Variants in PIP5K1A observed in about 807,000 individuals in gnomAD.
PIP5K1A encodes phosphatidylinositol-4-phosphate 5-kinase type 1 alpha, also known as phosphatidylinositol 4-phosphate 5-kinase type-1 alpha.
In PIP5K1A, 46 loss-of-function variants were observed where a neutral mutation model predicts 72.9. The ratio of observed to expected loss-of-function variants is 0.63; its 90% CI spans 0.50 to 0.81. The LOEUF (loss-of-function observed/expected upper bound fraction) is 0.81, where lower values mean the gene tolerates loss of function less well. Among genes scored for constraint, PIP5K1A ranks in the 30% least tolerant of loss-of-function variants. The pLI is 0.00. For missense variants in PIP5K1A, 458 were observed against 706.1 expected (o/e 0.65, Z 3.98); for synonymous variants, 228 against 255.1 (o/e 0.89, Z 1.01).
chr1:151,241,406 A>G (rs902810146), intron 12 of PIP5K1A, among the ~76,000 whole-genome samples: 2 of 150,826 alleles, frequency 1.3e-5, no homozygotes, highest in Admixed American at 1.3e-4. Context: ...TGGGAGGCTG[A>G]GGCAGGAGAA....
chr1:151,215,142 T>G (rs1041061548), intron 1 of PIP5K1A, among the ~76,000 whole-genome samples: 1 of 151,250 alleles, frequency 6.6e-6, no homozygotes, highest in Non-Finnish European at 1.5e-5. Context: ...GCGATTCTCC[T>G]GCCTCAGCCT....
rs371522298 is a variant in PIP5K1A at position 151,214,479 on chromosome 1, C to T, written c.86-9766C>T. On this transcript the variant is annotated intron_variant, in intron 1 of 15. Transcript: ENST00000368888. ...CACTGCTGCCTCTGCCACCCATTATCAAGCGATTCTCGTGCCTCAGCATCC... is the reference window on the plus strand; with the variant it reads ...CACTGCTGCCTCTGCCACCCATTATTAAGCGATTCTCGTGCCTCAGCATCC... 6.6e-5 allele frequency among the ~76,000 whole-genome samples: 10 copies of T among 152,150 alleles called. No individual in the cohort carries two copies. The South Asian group carries it at 1.0e-3, about 16-fold the overall frequency.
At chr1:151,212,970 A>G (rs1570794215) in intron 1 of PIP5K1A, among the ~76,000 whole-genome samples, 1 of 145,182 alleles carries the variant, frequency 6.9e-6, no homozygotes, top group African/African-American at 2.6e-5. Context: ...GGCTCACTGC[A>G]AAGTTCGCCT....
At position 151,214,756 on chromosome 1, in the gene PIP5K1A, G is replaced by A. The variant is rs189555836; in HGVS notation, c.86-9489G>A. ...AAACAAAATCTACCTTGTGACTGTC[G>A]CCCAGGTTGGAGCGCAATGGTGTGA... On this transcript the variant is annotated intron_variant, in intron 1 of 15. Coordinates refer to ENST00000368888, the MANE Select transcript of PIP5K1A (RefSeq NM_001135638.2). 1.7e-3 allele frequency among the ~76,000 whole-genome samples: 261 copies of A among 152,116 alleles called. 1 individual carries two copies. Among genetic ancestry groups the A allele is most frequent in the African/African-American group, 6.1e-3 (253 of 41,514 alleles).
At chr1:151,228,280 T>G (rs934634563) in intron 4 of PIP5K1A, among the ~76,000 whole-genome samples, 3 of 152,024 alleles carry the variant, frequency 2.0e-5, no homozygotes, top group Non-Finnish European at 2.9e-5. Flanking sequence ...ACCTCCTGAG[T>G]AGCTGGGACT....
intron 12 of PIP5K1A, among the ~76,000 whole-genome samples, chr1:151,241,669 G>A (rs922566470): frequency 2.6e-5 from 4 of 152,062 alleles, no homozygotes; most frequent in South Asian, 2.1e-4. Flanking sequence ...GTGTAGTGGC[G>A]CATGCCTGTA....
At chr1:151,247,814 T>G (rs1692730219) in intron 15 of PIP5K1A, 49 bp from the exon 16 acceptor site, 1 of 1,497,844 alleles carries the variant, frequency 6.7e-7, no homozygotes, top group Admixed American at 2.0e-5. Context: ...ATTCCATTTC[T>G]GCTTAATCTC....
At chr1:151,239,471 C>T (rs1317959976) in intron 11 of PIP5K1A, among the ~76,000 whole-genome samples, 4 of 151,956 alleles carry the variant, frequency 2.6e-5, no homozygotes, top group Non-Finnish European at 4.4e-5. Flanking sequence ...TGGGTTTCAC[C>T]ATGTTGGCCA....
chr1:151,199,539 G>C (rs778559778), intron 1 of PIP5K1A, among the ~76,000 whole-genome samples: 1 of 151,990 alleles, frequency 6.6e-6, no homozygotes, highest in Non-Finnish European at 1.5e-5. Context: ...CCTTGAGCCT[G>C]GGAGGCAGAG....
At chr1:151,205,171 T>G (rs1419355973) in intron 1 of PIP5K1A, among the ~76,000 whole-genome samples, 1 of 151,986 alleles carries the variant, frequency 6.6e-6, no homozygotes, top group Non-Finnish European at 1.5e-5. Context: ...AGAATGTTAT[T>G]TATTATTTTT....
At chr1:151,229,327 A>G (rs1021961095) in intron 4 of PIP5K1A, among the ~76,000 whole-genome samples, 2 of 150,548 alleles carry the variant, frequency 1.3e-5, no homozygotes, top group South Asian at 2.1e-4. Context: ...AACTGGGACT[A>G]CAGGCCTCAG....
chr1:151,227,393 A>T lies in PIP5K1A; in HGVS notation c.230A>T (p.Tyr77Phe). The T allele has an allele frequency of 4.4e-6, 7 of 1,608,902 alleles. No individual in the cohort carries two copies. Among genetic ancestry groups the T allele is most frequent in the Non-Finnish European group, 6.0e-6 (7 of 1,175,336 alleles). ...RSVDSSGETT[Y>F]KKTTSSALKG... ...GTTGATTCCTCAGGAGAGACAACAT[A>T]TAAAAAGGTGTGTCTGGATGAAACC... is the stretch of plus-strand genomic sequence containing the variant. Residue 77 changes from tyrosine to phenylalanine, a missense_variant, in exon 4 of 16, where the codon TAT becomes TTT. By Grantham distance (22) the Tyr-to-Phe change is conservative. Transcript: ENST00000368888.
At chr1:151,209,736 G>A (rs1021043230) in intron 1 of PIP5K1A, among the ~76,000 whole-genome samples, 14 of 150,608 alleles carry the variant, frequency 9.3e-5, no homozygotes, top group African/African-American at 2.2e-4. Context: ...ACCGTGCCCC[G>A]CCTGTATTGT....
chr1:151,210,134 T>A (rs1405826793), intron 1 of PIP5K1A, among the ~76,000 whole-genome samples: 1 of 152,008 alleles, frequency 6.6e-6, no homozygotes, highest in Non-Finnish European at 1.5e-5. Flanking sequence ...TCTGCCTGCT[T>A]CCGCCTCCCA....
intron 1 of PIP5K1A, among the ~76,000 whole-genome samples, chr1:151,223,292 G>A (rs587643853): frequency 6.7e-6 from 1 of 148,898 alleles, no homozygotes; most frequent in African/African-American, 2.5e-5. Context: ...GGACGTTGCA[G>A]GGAGCCAAGA....
Position 151,239,121 on chromosome 1 carries a change from T to C in PIP5K1A, c.1230-9T>C. The stretch of plus-strand genomic sequence containing the variant: ...TGACGTGAGTAGGTGATGTACATTT[T>C]TCTTGCAGGTTTGTTAAGAAGTTGG... On this transcript the variant is annotated splice_polypyrimidine_tract_variant and intron_variant, in intron 10 of 15. Transcript: ENST00000368888. The C allele has an allele frequency of 1.2e-6, 2 of 1,606,234 alleles. No individual in the cohort carries two copies. The highest frequency in any genetic ancestry group is 1.7e-6 in the Non-Finnish European group (2 of 1,173,122).
intron 15 of PIP5K1A, among the ~76,000 whole-genome samples, chr1:151,247,454 C>T (rs1471726240): frequency 3.3e-5 from 5 of 151,840 alleles, no homozygotes; most frequent in Non-Finnish European, 7.4e-5. Context: ...GAGACGGAGT[C>T]TTGCTCTGTC....
At chr1:151,199,254 A>G (rs1247050398) in intron 1 of PIP5K1A, 173 bp downstream of exon 1, 3 of 1,282,172 alleles carry the variant, frequency 2.3e-6, no homozygotes, top group Non-Finnish European at 3.1e-6. Context: ...AGGAAAGGAT[A>G]AGTTTGATTA....
intron 1 of PIP5K1A, among the ~76,000 whole-genome samples, chr1:151,207,801 A>G (rs766018288): frequency 1.3e-5 from 2 of 151,312 alleles, no homozygotes; most frequent in African/African-American, 2.4e-5. Flanking sequence ...AAGTGCTGGG[A>G]TGATTACGGG....
Sources: allele counts gnomAD v4.1 joint callset (sites outside exome capture counted in the v4.1 genomes callset), GRCh38; gene constraint gnomAD v4.1.1; transcripts MANE v1.5; gene names NCBI Gene and HGNC (gene_info 2026-07-23, HGNC 2026-07-21).